Variants in TGDS observed in about 807,000 individuals in gnomAD.
TGDS encodes the protein TDP-glucose 4,6-dehydratase, also known as UDP-D-glucose 4,6-dehydratase.
TGDS carries 47 observed loss-of-function variants against 52.3 expected under a neutral mutation model. That is an observed-to-expected ratio of 0.90 (90% CI 0.71 to 1.15). TGDS has a LOEUF of 1.15. Among genes scored for constraint, TGDS ranks in the 50% most tolerant of loss-of-function variants. The pLI, the probability that TGDS is intolerant of heterozygous loss-of-function variation, is 0.00. For synonymous variants in TGDS, 115 were observed against 136.9 expected (o/e 0.84, Z 1.12); for missense variants, 375 against 418.4 (o/e 0.90, Z 0.90).
chr13:94,586,798 GC>G (rs1889003927), intron 4 of TGDS, among the ~76,000 whole-genome samples: 1 of 102,394 alleles, frequency 9.8e-6, no homozygotes, highest in South Asian at 3.3e-4. Flanking sequence ...TCATTCTATT[GC>G]CCGGGCTGGA....
Position 94,577,859 on chromosome 13 carries a change from T to C in TGDS, c.825+146A>G. 5.1e-6 allele frequency: 4 copies of C among 782,732 alleles called. No homozygotes were observed. The South Asian group carries it at 1.0e-4, about 20-fold the overall frequency. The allele number at this position is 782,732 out of a possible 1,614,324, so 48.5% of individuals were successfully genotyped here. A position where few individuals can be genotyped will look rare whatever the true frequency, so the allele number is the denominator to read the frequency against. ...ACTAAATAGGTGATCCAACTTAATTTAAGACACATATGGTACACAAAATCA... is the reference window on the plus strand; with the variant it reads ...ACTAAATAGGTGATCCAACTTAATTCAAGACACATATGGTACACAAAATCA... On this transcript the variant is annotated intron_variant, in intron 9 of 11. Coordinates refer to ENST00000261296, the MANE Select transcript of TGDS (RefSeq NM_014305.4).
chr13:94,582,922 TC>T (rs1214084780), intron 5 of TGDS, among the ~76,000 whole-genome samples, 171 bp downstream of exon 5: 1 of 152,100 alleles, frequency 6.6e-6, no homozygotes, highest in African/African-American at 2.4e-5. Flanking sequence ...CTTAATAAAT[TC>T]CCCTTTATAT....
intron 4 of TGDS, among the ~76,000 whole-genome samples, chr13:94,587,351 C>T (rs779383414): frequency 1.3e-5 from 2 of 152,058 alleles, no homozygotes; most frequent in Admixed American, 6.5e-5. Context: ...TTTGGAACAA[C>T]AATGTCAAAT....
intron 2 of TGDS, among the ~76,000 whole-genome samples, chr13:94,592,513 C>A (rs574439992): frequency 1.3e-5 from 2 of 152,204 alleles, no homozygotes; most frequent in East Asian, 1.9e-4. Flanking sequence ...AGTGCAGTGG[C>A]GCAATCTCTG....
intron 4 of TGDS, among the ~76,000 whole-genome samples, chr13:94,587,729 G>A (rs1889041493): frequency 6.6e-6 from 1 of 152,208 alleles, no homozygotes; most frequent in African/African-American, 2.4e-5. Flanking sequence ...CGGGTGCGGT[G>A]GCTCACGCCT....
upstream of TGDS, chr13:94,596,153 G>A: frequency 1.9e-6 from 3 of 1,612,578 alleles, no homozygotes; most frequent in South Asian, 1.1e-5. Flanking sequence ...GCTCAGCAGT[G>A]CCTAGTACCG....
At chr13:94,596,029 G>C in intron 1 of TGDS, 22 bp downstream of exon 1, 2 of 1,613,714 alleles carry the variant, frequency 1.2e-6, no homozygotes, top group Non-Finnish European at 1.7e-6. Context: ...GCCACTGCTT[G>C]GCTAGCGGCG....
rs915370745 is a variant in TGDS at position 94,593,711 on chromosome 13, C to T, written c.153+130G>A. 19 of 675,330 alleles carry T rather than the reference C, an allele frequency of 2.8e-5. No homozygotes were observed. In the African/African-American group the frequency reaches 3.5e-4, roughly 12 times the overall value. The allele number at this position is 675,330 out of a possible 1,614,324, so 41.8% of individuals were successfully genotyped here. ...AATACAGCATGAGCACATTACTATA[C>T]AGAGCCTCTGAATTGCTAAAATGAC... On this transcript the variant is annotated intron_variant, in intron 2 of 11. Transcript: ENST00000261296.
intron 2 of TGDS, among the ~76,000 whole-genome samples, chr13:94,593,268 T>C (rs1026699441): frequency 6.6e-6 from 1 of 152,264 alleles, no homozygotes; most frequent in African/African-American, 2.4e-5. Flanking sequence ...ACCTGTGTTA[T>C]ACATATTATA....
At chr13:94,576,575 TA>T (rs899644686) in intron 10 of TGDS, among the ~76,000 whole-genome samples, 164 bp from the exon 11 acceptor site, 137 of 147,080 alleles carry the variant, frequency 9.3e-4, no homozygotes, top group Middle Eastern at 3.4e-3. Flanking sequence ...AGTATATATT[TA>T]AAAAAAAAAA....
chr13:94,585,833 G>A (rs1191175695), intron 4 of TGDS, among the ~76,000 whole-genome samples: 1 of 150,660 alleles, frequency 6.6e-6, no homozygotes, highest in Non-Finnish European at 1.5e-5. Context: ...GATAAAAACT[G>A]AGTTAAAAAT....
intron 4 of TGDS, among the ~76,000 whole-genome samples, chr13:94,585,471 T>C (rs760839784): frequency 1.1e-4 from 16 of 152,026 alleles, no homozygotes; most frequent in Non-Finnish European, 2.1e-4. Context: ...TGTCATCTAG[T>C]GGAAATAAAA....
intron 6 of TGDS, 35 bp downstream of exon 6, chr13:94,581,055 GA>G: frequency 1.6e-6 from 2 of 1,247,548 alleles, no homozygotes; most frequent in Non-Finnish European, 2.2e-6. Context: ...AAGTCCAAAG[GA>G]AAATGTTTCA....
chr13:94,577,187 G>C (rs1888632774), intron 10 of TGDS, among the ~76,000 whole-genome samples, 184 bp downstream of exon 10: 1 of 151,826 alleles, frequency 6.6e-6, no homozygotes, highest in Non-Finnish European at 1.5e-5. Flanking sequence ...AGTTTTTTAA[G>C]TCACATAGCT....
At position 94,577,507 on chromosome 13, in the gene TGDS, A is replaced by G. The variant is rs1019173659; in HGVS notation, c.826-78T>C. The G allele has an allele frequency of 4.0e-5, 49 of 1,229,582 alleles. No homozygotes were observed. The Admixed American group carries it at 4.6e-4, about 12-fold the overall frequency. 76.2% of individuals were successfully genotyped at this position (1,229,582 alleles called of 1,614,324 possible). A position where few individuals can be genotyped will look rare whatever the true frequency, so the allele number is the denominator to read the frequency against. On this transcript the variant is annotated intron_variant, in intron 9 of 11. Coordinates refer to ENST00000261296, the MANE Select transcript of TGDS (RefSeq NM_014305.4). Reference sequence around the variant, plus strand: ...TAACAATAGTATTTAATGGCTGATTAAAAAGAAAACAACTGCCTCATAGCA... The same window carrying G: ...TAACAATAGTATTTAATGGCTGATTGAAAAGAAAACAACTGCCTCATAGCA...
In TGDS at chr13:94,574,779, T is replaced by C. The variant is rs1476426384; in HGVS notation, c.*3A>G. The C allele has an allele frequency of 1.3e-6, 2 of 1,587,048 alleles. No individual in the cohort carries two copies. The highest frequency in any genetic ancestry group is 1.7e-6 in the Non-Finnish European group (2 of 1,158,844). On this transcript the variant is annotated 3_prime_UTR_variant, in exon 12 of 12. Coordinates refer to ENST00000261296, the MANE Select transcript of TGDS (RefSeq NM_014305.4). ...ACAACTGTCTCGACTATATAAATGG[T>C]GATTATACCGGAAAGGGTTCTAATG...
Position 94,592,318 on chromosome 13 carries a change from A to C in TGDS, c.154-9T>G, listed in dbSNP as rs945874651. On this transcript the variant is annotated splice_polypyrimidine_tract_variant and intron_variant, in intron 2 of 11. Transcript: ENST00000261296. ...CTTGCACAGTAATCCAGCTTGAAAGAAGAGAGCACAGAAGGGGCAACACAA... is the reference window on the plus strand; with the variant it reads ...CTTGCACAGTAATCCAGCTTGAAAGCAGAGAGCACAGAAGGGGCAACACAA... 6.3e-7 allele frequency: 1 copy of C among 1,592,662 alleles called. No homozygotes were observed. Among genetic ancestry groups the C allele is most frequent in the Non-Finnish European group, 8.5e-7 (1 of 1,174,346 alleles).
intron 6 of TGDS, among the ~76,000 whole-genome samples, chr13:94,580,516 G>A (rs1888752360): frequency 6.6e-6 from 1 of 152,132 alleles, no homozygotes; most frequent in Non-Finnish European, 1.5e-5. Context: ...CACTGTCAGA[G>A]CCACCAGGGG....
Position 94,576,359 on chromosome 13 carries a change from C to G in TGDS, c.937G>C (p.Gly313Arg). ...TTCCAAGGCACTTTAGGTCTCCATC[C>G]TAAGCCATGTATTTTTTCTGACTTC... The part of the protein sequence containing the change: ...PMKSEKIHGL[G>R]WRPKVPWKEG... Residue 313 changes from glycine to arginine, a missense_variant, in exon 11 of 12, where the codon GGA becomes CGA. Coordinates refer to ENST00000261296, the MANE Select transcript of TGDS (RefSeq NM_014305.4). The G allele has an allele frequency of 6.2e-7, 1 of 1,606,518 alleles. No individual in the cohort carries two copies. The highest frequency in any genetic ancestry group is 8.5e-7 in the Non-Finnish European group (1 of 1,176,228).
Sources: gnomAD v4.1 joint callset for allele counts (sites outside exome capture counted in the v4.1 genomes callset) on GRCh38, gnomAD v4.1.1 for gene constraint, MANE v1.5 for transcripts, NCBI Gene and HGNC (gene_info 2026-07-23, HGNC 2026-07-21) for gene names.